The following PDE1A variants were observed in gnomAD, a reference collection of about 807,000 sequenced individuals.
PDE1A encodes dual specificity calcium/calmodulin-dependent 3',5'-cyclic nucleotide phosphodiesterase 1A.
Under a neutral mutation model 61.7 loss-of-function variants are expected in PDE1A, and 35 were observed. That is an observed-to-expected ratio of 0.57 (90% CI 0.43 to 0.75). PDE1A has a LOEUF of 0.75. PDE1A is among the 30% of genes least tolerant of loss of function. The pLI, the probability that PDE1A is intolerant of heterozygous loss-of-function variation, is 0.00. For synonymous variants in PDE1A, 232 were observed against 213.2 expected, an observed-to-expected ratio of 1.09 and a Z score of -0.77; for missense variants, 597 against 630.6, an observed-to-expected ratio of 0.95 and a Z score of 0.57.
At chr2:182,269,630 C>A (rs907970817) in intron 1 of PDE1A, among the ~76,000 whole-genome samples, 3 of 151,916 alleles carry the variant, frequency 2.0e-5, no homozygotes, top group Non-Finnish European at 4.4e-5. Flanking sequence ...TATAACAAAA[C>A]TAGATGCAAT....
At chr2:182,172,424 C>G (rs1331537062) in intron 13 of PDE1A, among the ~76,000 whole-genome samples, 1 of 151,966 alleles carries the variant, frequency 6.6e-6, no homozygotes, top group Non-Finnish European at 1.5e-5. Flanking sequence ...TTATCAAAAT[C>G]CATAGTTTTT....
At chr2:182,558,068 T>A in the PDE1A span, among the ~76,000 whole-genome samples, 1 of 152,196 alleles carries the variant, frequency 6.6e-6, no homozygotes, top group African/African-American at 2.4e-5. Flanking sequence ...CTCTTCATAT[T>A]CTTATAACAG....
intron 1 of PDE1A, among the ~76,000 whole-genome samples, chr2:182,315,338 G>A (rs986747274): frequency 5.9e-5 from 9 of 152,038 alleles, no homozygotes; most frequent in East Asian, 1.9e-4. Context: ...CATCTACTAT[G>A]TGCCAAGTAC....
the PDE1A span, among the ~76,000 whole-genome samples, chr2:182,664,789 G>C: frequency 6.6e-6 from 1 of 151,862 alleles, no homozygotes; most frequent in Non-Finnish European, 1.5e-5. Context: ...AAATATCAAA[G>C]GCTTCATGAT....
intron 13 of PDE1A, among the ~76,000 whole-genome samples, chr2:182,173,675 T>C (rs1692451338): frequency 7.0e-6 from 1 of 142,986 alleles, no homozygotes; most frequent in East Asian, 2.1e-4. Flanking sequence ...AAGCTCTAGT[T>C]TTTATTTCTG....
intron 2 of PDE1A, among the ~76,000 whole-genome samples, chr2:182,483,122 A>C (rs1280033568): frequency 6.6e-6 from 1 of 151,972 alleles, no homozygotes; most frequent in African/African-American, 2.4e-5. Flanking sequence ...GGGCCAATAC[A>C]TCAGGACAAT....
the PDE1A span, among the ~76,000 whole-genome samples, chr2:182,579,086 GA>G: frequency 4.6e-5 from 7 of 152,154 alleles, no homozygotes; most frequent in African/African-American, 1.7e-4. Flanking sequence ...TAAATAACCT[GA>G]AAACAGTTTT....
intron 7 of PDE1A, among the ~76,000 whole-genome samples, chr2:182,212,910 C>A (rs1405034116): frequency 6.6e-6 from 1 of 151,802 alleles, no homozygotes; most frequent in Non-Finnish European, 1.5e-5. Context: ...TGGGTGGAGC[C>A]CACCACAGCT....
At chr2:182,345,583 C>T (rs929019756) in intron 1 of PDE1A, among the ~76,000 whole-genome samples, 2 of 152,166 alleles carry the variant, frequency 1.3e-5, no homozygotes, top group South Asian at 2.1e-4. Context: ...TCTCCTCCCA[C>T]GCCTCCTCTT....
intron 2 of PDE1A, among the ~76,000 whole-genome samples, chr2:182,456,853 A>AAAC (rs1168731532): frequency 6.6e-6 from 1 of 152,092 alleles, no homozygotes; most frequent in African/African-American, 2.4e-5. Flanking sequence ...CAATTAATAT[A>AAAC]AACAGGTTCT....
At chr2:182,471,419 T>C (rs548800516) in intron 2 of PDE1A, among the ~76,000 whole-genome samples, 2 of 151,772 alleles carry the variant, frequency 1.3e-5, no homozygotes, top group Non-Finnish European at 2.9e-5. Flanking sequence ...CCAATTATAA[T>C]AAAGCAAAAT....
At chr2:182,496,664 GACAA>G (rs1470380228) in intron 2 of PDE1A, among the ~76,000 whole-genome samples, 2 of 152,244 alleles carry the variant, frequency 1.3e-5, no homozygotes, top group Non-Finnish European at 2.9e-5. Context: ...TATTTTGGCT[GACAA>G]ACAAGGTCAT....
At chr2:182,529,539 C>T in the PDE1A span, among the ~76,000 whole-genome samples, 2 of 152,172 alleles carry the variant, frequency 1.3e-5, no homozygotes, top group Non-Finnish European at 2.9e-5. Context: ...TGAGTTAATA[C>T]TTTGGGGGAC....
At chr2:182,236,510 T>G (rs926906069) in intron 3 of PDE1A, among the ~76,000 whole-genome samples, 1 of 152,188 alleles carries the variant, frequency 6.6e-6, no homozygotes, top group Admixed American at 6.5e-5. Flanking sequence ...TAACGTTAGC[T>G]CGACTTGACT....
At chr2:182,473,921 C>T (rs1440698597) in intron 2 of PDE1A, among the ~76,000 whole-genome samples, 1 of 151,954 alleles carries the variant, frequency 6.6e-6, no homozygotes, top group African/African-American at 2.4e-5. Flanking sequence ...TATGTCTTTG[C>T]TATTGCGAAA....
chr2:182,456,870 CACAA>C (rs1384450135), intron 2 of PDE1A, among the ~76,000 whole-genome samples: 1 of 152,084 alleles, frequency 6.6e-6, no homozygotes. Context: ...TTCTCTCCTA[CACAA>C]ATGTCTGGTG....
chr2:182,699,536 A>G, the PDE1A span, among the ~76,000 whole-genome samples: 3,398 of 152,268 alleles, frequency 0.022, 70 homozygotes, highest in East Asian at 0.083. Flanking sequence ...CTTCTGTAAG[A>G]TATTTGTTAT....
chr2:182,478,041 G>T (rs1687481991), intron 2 of PDE1A, among the ~76,000 whole-genome samples: 1 of 151,896 alleles, frequency 6.6e-6, no homozygotes, highest in Admixed American at 6.6e-5. Context: ...AGAGCTGAAA[G>T]AGTAACTGCA....
chr2:182,660,516 C>T, the PDE1A span, among the ~76,000 whole-genome samples: 1 of 152,096 alleles, frequency 6.6e-6, no homozygotes, highest in Non-Finnish European at 1.5e-5. Flanking sequence ...AATCAAGGTC[C>T]CAAATCTGTT....
Sources: allele counts gnomAD v4.1 joint callset (sites outside exome capture counted in the v4.1 genomes callset), GRCh38; gene constraint gnomAD v4.1.1; transcripts MANE v1.5; gene names NCBI Gene and HGNC (gene_info 2026-07-23, HGNC 2026-07-21).